The following TSKS variants were observed in gnomAD, a reference collection of about 807,000 sequenced individuals.
The protein encoded by TSKS is testis specific serine kinase substrate.
A neutral mutation model predicts 68.0 loss-of-function variants in TSKS; 27 were observed. The ratio of observed to expected loss-of-function variants is 0.40; its 90% CI spans 0.29 to 0.55. TSKS has a LOEUF of 0.55. Ranked by LOEUF, TSKS falls within the 20% of genes least tolerant of loss-of-function variation. TSKS has a pLI of 0.53. For synonymous variants in TSKS, 331 were observed against 340.4 expected (o/e 0.97, Z 0.30); for missense variants, 806 against 776.0 (o/e 1.04, Z -0.46).
intron 7 of TSKS, 42 bp downstream of exon 7, chr19:49,745,160 C>T (rs979127594): frequency 6.6e-7 from 1 of 1,522,188 alleles, no homozygotes; most frequent in South Asian, 1.3e-5. Context: ...TGGGATTGCC[C>T]TGCCCCTTCC....
chr19:49,749,290 C>A (rs2084329129), intron 2 of TSKS, among the ~76,000 whole-genome samples: 1 of 152,146 alleles, frequency 6.6e-6, no homozygotes. Flanking sequence ...ATGGGATATC[C>A]CTTGTCTTCC....
chr19:49,759,015 G>A (rs1334753607), intron 2 of TSKS, among the ~76,000 whole-genome samples: 2 of 151,796 alleles, frequency 1.3e-5, no homozygotes, highest in South Asian at 2.1e-4. Context: ...GTGCCACCAC[G>A]TCCGGCTAAT....
At chr19:49,742,080 C>T in intron 8 of TSKS, 60 bp from the exon 9 acceptor site, 9 of 1,589,706 alleles carry the variant, frequency 5.7e-6, no homozygotes, top group Non-Finnish European at 6.8e-6. Flanking sequence ...ACGCCCCATG[C>T]CCCATGCTCA....
intron 2 of TSKS, among the ~76,000 whole-genome samples, chr19:49,760,880 G>A (rs1053450593): frequency 6.6e-6 from 1 of 152,076 alleles, no homozygotes; most frequent in Non-Finnish European, 1.5e-5. Context: ...CCTGAGGTCC[G>A]GAGTTCGAGA....
chr19:49,748,510 G>C, intron 2 of TSKS, 41 bp from the exon 3 acceptor site: 1 of 1,583,996 alleles, frequency 6.3e-7, no homozygotes, highest in Non-Finnish European at 8.7e-7. Flanking sequence ...TGGGTATGTG[G>C]GGGCAAGCCC....
intron 2 of TSKS, among the ~76,000 whole-genome samples, chr19:49,750,273 T>C (rs1011441722): frequency 1.4e-4 from 22 of 151,882 alleles, no homozygotes; most frequent in Non-Finnish European, 2.9e-5. Flanking sequence ...TTTTTTTTTT[T>C]TTTTTTGACA....
At chr19:49,748,224 AAAG>A (rs1808535755) in intron 3 of TSKS, 56 bp from the exon 4 acceptor site, 3 of 1,598,584 alleles carry the variant, frequency 1.9e-6, no homozygotes, top group Middle Eastern at 3.3e-4. Context: ...AGCCTGTGGA[AAAG>A]AAGATCTGGG....
At position 49,748,455 on chromosome 19, in the gene TSKS, A is replaced by G; in HGVS notation, c.414T>C (p.Ser138=). 1 of 1,614,110 alleles carries G rather than the reference A, an allele frequency of 6.2e-7. No individual in the cohort carries two copies. Among genetic ancestry groups the G allele is most frequent in the Non-Finnish European group, 8.5e-7 (1 of 1,179,986 alleles). Residue 138 remains serine (S), a synonymous_variant, in exon 3 of 11, where the codon AGT becomes AGC. Transcript: ENST00000246801. The stretch of plus-strand genomic sequence containing the variant: ...TGGAGTCTTTGGCGCGGACCAATCC[A>G]CTGTTGACCCCACTCTGGGGAAGAA... The part of the protein sequence containing the change: ...DITEILSGVN[S]GLVRAKDSIT...
chr19:49,751,248 G>A (rs1444329349), intron 2 of TSKS, among the ~76,000 whole-genome samples: 1 of 139,220 alleles, frequency 7.2e-6, no homozygotes, highest in African/African-American at 2.7e-5. Flanking sequence ...AGGTTGCAGA[G>A]AGCCTAGATG....
rs777419806 is a variant in TSKS, at chr19:49,739,808, G to C, written c.1747C>G (p.Pro583Ala). 1.3e-6 allele frequency: 2 copies of C among 1,576,800 alleles called. No individual in the cohort carries two copies. The highest frequency in any genetic ancestry group is 1.7e-6 in the Non-Finnish European group (2 of 1,147,378). The change falls in exon 11 of 11, where the codon CCA becomes GCA. Residue 583 changes from proline to alanine, a missense_variant. By Grantham distance (27) the Pro-to-Ala change is conservative. Transcript: ENST00000246801. ...MGGGSSAGTP[P>A]KQGGSAPEQ ...TCAGGGGCTGAGCCCCCCTGTTTTG[G>C]GGGGGTTCCTGCACTGCTGCCTCCC...
Position 49,748,586 on chromosome 19 carries a change from T to C in TSKS, c.400-117A>G, listed in dbSNP as rs576970373. 33 of 948,682 alleles carry C rather than the reference T, an allele frequency of 3.5e-5. No homozygotes were observed. In the African/African-American group the frequency reaches 5.4e-4, roughly 15 times the overall value. The allele number at this position is 948,682 out of a possible 1,614,324, so 58.8% of individuals were successfully genotyped here. On this transcript the variant is annotated intron_variant, in intron 2 of 10. Transcript: ENST00000246801. Reference sequence around the variant, plus strand: ...CACCTTGATTTTGCCCTGGAATGGCTATGTGACTTGGAGCCAAGGGCTATA... The same window carrying C: ...CACCTTGATTTTGCCCTGGAATGGCCATGTGACTTGGAGCCAAGGGCTATA...
At chr19:49,754,948 A>T in intron 2 of TSKS, among the ~76,000 whole-genome samples, 1 of 152,050 alleles carries the variant, frequency 6.6e-6, no homozygotes, top group East Asian at 1.9e-4. Context: ...AAATACAAAA[A>T]TTAGCCGGGG....
intron 2 of TSKS, among the ~76,000 whole-genome samples, chr19:49,761,012 C>T (rs189556242): frequency 3.7e-4 from 56 of 151,916 alleles, no homozygotes; most frequent in South Asian, 1.9e-3. Flanking sequence ...GGCTTGAACC[C>T]GGCCGGGAAG....
At chr19:49,746,369 AC>A in intron 6 of TSKS, 100 bp downstream of exon 6, 2 of 1,373,580 alleles carry the variant, frequency 1.5e-6, no homozygotes, top group Non-Finnish European at 2.0e-6. Flanking sequence ...CTACTTGAGA[AC>A]CCCCGTCCCT....
intron 4 of TSKS, 124 bp from the exon 5 acceptor site, chr19:49,747,596 A>G (rs1024751687): frequency 2.1e-6 from 2 of 938,226 alleles, no homozygotes; most frequent in African/African-American, 3.3e-5. Flanking sequence ...CACACTCACC[A>G]GCTCATTTCC....
chr19:49,759,391 C>A (rs982566988), intron 2 of TSKS, among the ~76,000 whole-genome samples: 1 of 150,762 alleles, frequency 6.6e-6, no homozygotes, highest in Non-Finnish European at 1.5e-5. Flanking sequence ...ATGGCTTGAA[C>A]CTGGGAGGTG....
intron 2 of TSKS, 45 bp downstream of exon 2, chr19:49,761,958 TG>T (rs746991978): frequency 6.6e-7 from 1 of 1,504,718 alleles, no homozygotes; most frequent in Non-Finnish European, 9.2e-7. Flanking sequence ...TACCACCTTG[TG>T]GAGGACCTCG....
Position 49,763,009 on chromosome 19 carries a change from C to G in TSKS, c.170+69G>C. The G allele has an allele frequency of 6.6e-7, 1 of 1,522,486 alleles. No individual in the cohort carries two copies. The highest frequency in any genetic ancestry group is 8.8e-7 in the Non-Finnish European group (1 of 1,133,708). The allele number at this position is 1,522,486 out of a possible 1,614,324, so 94.3% of individuals were successfully genotyped here. Reference sequence around the variant, plus strand: ...CTCCCCTTCCTCTAGCACCCACAGTCGGACTCCTGCTCTGTTGGAGGTAGT... The same window carrying G: ...CTCCCCTTCCTCTAGCACCCACAGTGGGACTCCTGCTCTGTTGGAGGTAGT... On this transcript the variant is annotated intron_variant, in intron 1 of 10. Transcript: ENST00000246801. This position sits in a 1 kb window ranked among gnomAD's most constrained non-coding sequence, Gnocchi z 4.5.
intron 8 of TSKS, among the ~76,000 whole-genome samples, chr19:49,743,989 G>A (rs1036332600): frequency 6.6e-6 from 1 of 152,212 alleles, no homozygotes; most frequent in Non-Finnish European, 1.5e-5. Flanking sequence ...TTACAGGCGA[G>A]AGCCACCGCG....
Sources: allele counts gnomAD v4.1 joint callset (sites outside exome capture counted in the v4.1 genomes callset), GRCh38; gene constraint gnomAD v4.1.1; non-coding constraint Gnocchi (gnomAD v3.1); transcripts MANE v1.5; gene names NCBI Gene and HGNC (gene_info 2026-07-23, HGNC 2026-07-21).